TLL2: variants seen among roughly 807,000 people sequenced by gnomAD.
The protein encoded by TLL2 is tolloid-like protein 2.
TLL2 carries 106 observed loss-of-function variants against 123.0 expected under a neutral mutation model. The ratio of observed to expected loss-of-function variants is 0.86; its 90% CI spans 0.74 to 1.01. The LOEUF (loss-of-function observed/expected upper bound fraction) is 1.01, where lower values mean the gene tolerates loss of function less well. TLL2 is among the 50% of genes least tolerant of loss of function. The pLI is 0.00. For synonymous variants in TLL2, 494 were observed against 516.8 expected, an observed-to-expected ratio of 0.96 and a Z score of 0.60; for missense variants, 1,332 against 1,336.7, an observed-to-expected ratio of 1.00 and a Z score of 0.06.
intron 7 of TLL2, among the ~76,000 whole-genome samples, chr10:96,413,958 T>G (rs1923692): frequency 0.91 from 139,088 of 152,168 alleles, 64,334 homozygotes; most frequent in Non-Finnish European, 0.98. Context: ...TAAGTCTCAG[T>G]TTACCCCACT....
intron 4 of TLL2, among the ~76,000 whole-genome samples, chr10:96,429,598 G>C (rs567753550): frequency 6.6e-6 from 1 of 152,128 alleles, no homozygotes; most frequent in Non-Finnish European, 1.5e-5. Context: ...CAGGTTTTTC[G>C]ATTTGGAAAC....
intron 13 of TLL2, among the ~76,000 whole-genome samples, chr10:96,393,121 T>A (rs1846304248): frequency 6.6e-6 from 1 of 152,206 alleles, no homozygotes. Flanking sequence ...GATTCTCCCT[T>A]AGAACCTCAA....
At chr10:96,387,225 C>T in intron 13 of TLL2, 147 bp from the exon 14 acceptor site, 1 of 1,175,596 alleles carries the variant, frequency 8.5e-7, no homozygotes, top group South Asian at 1.5e-5. Context: ...GTGCCATGTC[C>T]ACCTCTGAAA....
At chr10:96,409,987 G>A (rs1312356469) in intron 9 of TLL2, among the ~76,000 whole-genome samples, 2 of 152,198 alleles carry the variant, frequency 1.3e-5, no homozygotes, top group Non-Finnish European at 2.9e-5. Flanking sequence ...ATGCTGAGAC[G>A]GAGGCTGGGG....
At position 96,372,288 on chromosome 10, in the gene TLL2, T is replaced by G. The variant is rs79351701; in HGVS notation, c.2662+1308A>C. 1.4e-3 allele frequency among the ~76,000 whole-genome samples: 220 copies of G among 152,230 alleles called. 1 individual carries two copies. Among genetic ancestry groups the G allele is most frequent in the Middle Eastern group, 6.8e-3 (2 of 294 alleles). On this transcript the variant is annotated intron_variant, in intron 19 of 20. Coordinates refer to ENST00000357947, the MANE Select transcript of TLL2 (RefSeq NM_012465.4). ...ATTTTGTTTGACCTAATTTATATTT[T>G]CCGGTACTGAAAAAAAACTGGAGGT...
In TLL2 at chr10:96,480,406, T is replaced by C. The variant is rs773967394; in HGVS notation, c.229A>G (p.Ile77Val). 3 of 1,614,220 alleles carry C rather than the reference T, an allele frequency of 1.9e-6. No individual in the cohort carries two copies. Among genetic ancestry groups the C allele is most frequent in the Non-Finnish European group, 2.5e-6 (3 of 1,180,030 alleles). Residue 77 changes from isoleucine to valine, a missense_variant, in exon 2 of 21, where the codon ATT (isoleucine) becomes GTT (valine). Transcript: ENST00000357947. ...TTGGTCCAGTCTCTGGCTTTGTCAA[T>C]GTGAAACAGCTTCAAGTCATCTTCA... ...LDEDDLKLFH[I>V]DKARDWTKQT... is the part of the protein sequence containing the mutation.
intron 1 of TLL2, among the ~76,000 whole-genome samples, chr10:96,511,924 G>A (rs973402908): frequency 6.6e-6 from 1 of 152,166 alleles, no homozygotes; most frequent in Admixed American, 6.5e-5. Context: ...TCAGGGCCAG[G>A]CTGCCATTCC....
rs938049790 is a variant in TLL2, at chr10:96,439,060, T to TG, written c.365-6099_365-6098insC. Reference sequence around the variant, plus strand: ...TACATTGTTGGATTTCATTTGCTAATTTTTTTAAGGATTTCTGCATGTAAG... The same window carrying TG: ...TACATTGTTGGATTTCATTTGCTAATGTTTTTTAAGGATTTCTGCATGTAAG... On this transcript the variant is annotated intron_variant, in intron 3 of 20. Transcript: ENST00000357947. Among the ~76,000 whole-genome samples, 3 of 2,802 alleles carry TG rather than the reference T, an allele frequency of 1.1e-3. No homozygotes were observed. In the Non-Finnish European group the frequency reaches 0.12, roughly 117 times the overall value. 1.8% of individuals were successfully genotyped at this position (2,802 alleles called of 152,430 possible). A position where few individuals can be genotyped will look rare whatever the true frequency, so the allele number is the denominator to read the frequency against.
At chr10:96,409,381 G>C (rs183461146) in intron 9 of TLL2, among the ~76,000 whole-genome samples, 117 of 152,302 alleles carry the variant, frequency 7.7e-4, no homozygotes, top group Non-Finnish European at 2.6e-4. Context: ...GGGGACACTG[G>C]GGGTATCCCC....
chr10:96,411,668 T>C (rs571201098), intron 8 of TLL2, among the ~76,000 whole-genome samples: 2 of 152,350 alleles, frequency 1.3e-5, no homozygotes, highest in East Asian at 3.9e-4. Flanking sequence ...CCTCCTCTTA[T>C]GTGGCCAACC....
chr10:96,500,161 T>TCAACCAAAAAAAAAAAAAAAAA (rs1847521050), intron 1 of TLL2, among the ~76,000 whole-genome samples: 1 of 68,164 alleles, frequency 1.5e-5, no homozygotes, highest in East Asian at 2.9e-4. Context: ...AAAAAAAAAA[T>TCAACCAAAAAAAAAAAAAAAAA]ACAAAAATTA....
chr10:96,486,982 G>C (rs1304382857), intron 1 of TLL2, among the ~76,000 whole-genome samples: 1 of 152,218 alleles, frequency 6.6e-6, no homozygotes, highest in East Asian at 1.9e-4. Flanking sequence ...CCCTTGCAGG[G>C]AAATCCTTTA....
intron 13 of TLL2, 71 bp from the exon 14 acceptor site, chr10:96,387,149 T>A (rs1352629987): frequency 6.3e-7 from 1 of 1,576,498 alleles, no homozygotes; most frequent in African/African-American, 1.3e-5. Context: ...CCCTTGCATA[T>A]CCCAGTGTCA....
chr10:96,386,239 G>T, intron 14 of TLL2, 24 bp from the exon 15 acceptor site: 1 of 1,534,458 alleles, frequency 6.5e-7, no homozygotes, highest in Non-Finnish European at 8.8e-7. Context: ...ACAGAAACAG[G>T]ATTCATTTGG....
intron 1 of TLL2, among the ~76,000 whole-genome samples, chr10:96,499,665 A>T (rs1847512508): frequency 6.6e-6 from 1 of 152,224 alleles, no homozygotes; most frequent in East Asian, 1.9e-4. Context: ...TCTCTCCAAA[A>T]ATTTGTTTGT....
chr10:96,477,705 G>A (rs1411335902), intron 2 of TLL2, among the ~76,000 whole-genome samples: 1 of 152,174 alleles, frequency 6.6e-6, no homozygotes, highest in Non-Finnish European at 1.5e-5. Context: ...ATTTGCATTT[G>A]ACAGATGAAG....
At chr10:96,437,867 A>G (rs1458527438) in intron 3 of TLL2, among the ~76,000 whole-genome samples, 3 of 152,156 alleles carry the variant, frequency 2.0e-5, no homozygotes, top group East Asian at 3.8e-4. Flanking sequence ...TCATGTACGG[A>G]TTTTTGTGTA....
chr10:96,504,742 C>G (rs1847562810), intron 1 of TLL2, among the ~76,000 whole-genome samples: 1 of 152,240 alleles, frequency 6.6e-6, no homozygotes, highest in Non-Finnish European at 1.5e-5. Flanking sequence ...AGCAGTGGCT[C>G]ACACCTGTAA....
At chr10:96,494,185 G>A (rs1847446697) in intron 1 of TLL2, among the ~76,000 whole-genome samples, 1 of 152,188 alleles carries the variant, frequency 6.6e-6, no homozygotes, top group Non-Finnish European at 1.5e-5. Context: ...ACACCCCTCC[G>A]CACTGAAGAT....
Sources: gnomAD v4.1 joint callset for allele counts (sites outside exome capture counted in the v4.1 genomes callset) on GRCh38, gnomAD v4.1.1 for gene constraint, MANE v1.5 for transcripts, NCBI Gene and HGNC (gene_info 2026-07-23, HGNC 2026-07-21) for gene names.